AAR2: variants seen among roughly 807,000 people sequenced by gnomAD.
AAR2 encodes protein AAR2 homolog.
AAR2 carries 31 observed loss-of-function variants against 26.9 expected under a neutral mutation model. The ratio of observed to expected loss-of-function variants is 1.15; its 90% CI spans 0.86 to 1.55. AAR2 has a LOEUF of 1.55. Among genes scored for constraint, AAR2 ranks in the 40% most tolerant of loss-of-function variants. AAR2 has a pLI of 0.00. For missense variants in AAR2, 430 were observed against 491.3 expected (o/e 0.88, Z 1.18); for synonymous variants, 188 against 196.1 (o/e 0.96, Z 0.34).
At chr20:36,238,092 C>T (rs375704841) in intron 1 of AAR2, among the ~76,000 whole-genome samples, 4 of 151,926 alleles carry the variant, frequency 2.6e-5, no homozygotes, top group African/African-American at 4.8e-5. Context: ...CCTGTTGATA[C>T]GAATTATTTA....
At position 36,255,607 on chromosome 20, in the gene AAR2, C is replaced by T. The variant is rs773059132; in HGVS notation, c.1017C>T (p.Ala339=). The change falls in exon 4 of 4, where the codon GCC becomes GCT. Residue 339 remains alanine, a synonymous_variant. Coordinates refer to ENST00000320849, the MANE Select transcript of AAR2 (RefSeq NM_001271874.2). ...TCTTTTCCTCTGCCTGCAGCATTGC[C>T]GTGGATGCCACCCTGAGAAAGAAAG... ...QVFFSSACSI[A]VDATLRKKAE... is the part of the protein sequence containing the mutation. 9.3e-6 allele frequency: 15 copies of T among 1,614,180 alleles called. No homozygotes were observed. The highest frequency in any genetic ancestry group is 6.7e-5 in the African/African-American group (5 of 75,050).
At chr20:36,239,739 A>G (rs2064655033) in intron 1 of AAR2, 82 bp from the exon 2 acceptor site, 2 of 1,113,530 alleles carry the variant, frequency 1.8e-6, no homozygotes, top group Non-Finnish European at 2.5e-6. Context: ...GTCTAACTCA[A>G]TATCTGGCAC....
intron 3 of AAR2, among the ~76,000 whole-genome samples, chr20:36,254,868 C>T (rs2064806930): frequency 6.6e-6 from 1 of 152,136 alleles, no homozygotes; most frequent in Non-Finnish European, 1.5e-5. Flanking sequence ...CAAACGTGCT[C>T]AGAACACTAA....
chr20:36,242,080 T>A lies in AAR2; in HGVS notation c.757+1455T>A, dbSNP rs1204403061. Reference sequence around the variant, plus strand: ...AGCTATTTTTATATATATTTATAAATTTTCCAGGTAATTTGCATATTTTCT... The same window carrying A: ...AGCTATTTTTATATATATTTATAAAATTTCCAGGTAATTTGCATATTTTCT... On this transcript the variant is annotated intron_variant, in intron 2 of 3. Coordinates refer to ENST00000320849, the MANE Select transcript of AAR2 (RefSeq NM_001271874.2). 3.3e-5 allele frequency among the ~76,000 whole-genome samples: 5 copies of A among 152,008 alleles called. No individual in the cohort carries two copies. The East Asian group carries it at 7.7e-4, about 23-fold the overall frequency.
At chr20:36,244,549 TCTC>T in intron 2 of AAR2, 145 bp from the exon 3 acceptor site, 1 of 756,728 alleles carries the variant, frequency 1.3e-6, no homozygotes, top group Non-Finnish European at 2.2e-6. Flanking sequence ...AGGTGCAAAA[TCTC>T]CTGCCAGGCT....
rs1228304718 is a variant in AAR2, at chr20:36,240,428, G to C, written c.560G>C (p.Ser187Thr). The change falls in exon 2 of 4, where the codon AGC becomes ACC. Residue 187 changes from serine to threonine, a missense_variant. Physicochemically the swap from Ser to Thr is moderately conservative, Grantham distance 58. Transcript: ENST00000320849. ...CCCCGCTGTGGCATTGAGTGCAAAA[G>C]CTACCAAGAGGGCCTGGCCCGGCTA... Reference protein sequence around the residue: ...NLPRCGIECKSYQEGLARLPE... With the variant: ...NLPRCGIECKTYQEGLARLPE... 6.2e-7 allele frequency: 1 copy of C among 1,614,234 alleles called. No homozygotes were observed. The highest frequency in any genetic ancestry group is 8.5e-7 in the Non-Finnish European group (1 of 1,180,052).
intron 3 of AAR2, 47 bp from the exon 4 acceptor site, chr20:36,255,531 C>A (rs1468458346): frequency 2.5e-6 from 4 of 1,607,108 alleles, no homozygotes; most frequent in Non-Finnish European, 3.4e-6. Flanking sequence ...TTTCTCGCCC[C>A]CTGCCCTCCG....
rs543666856 is a variant in AAR2, at chr20:36,256,678, T to C, written c.*933T>C. ...GTGGAGCTGTCAGTCACCGGAGTAA[T>C]GAGCTCCTGGTTCCTCGGGAGTCCT... On this transcript the variant is annotated 3_prime_UTR_variant, in exon 4 of 4. Transcript: ENST00000320849. The C allele has an allele frequency of 1.4e-4, 22 of 152,450 alleles. No individual in the cohort carries two copies. The highest frequency in any genetic ancestry group is 6.5e-4 in the Admixed American group (10 of 15,310). 9.4% of individuals were successfully genotyped at this position (152,450 alleles called of 1,614,324 possible). A position where few individuals can be genotyped will look rare whatever the true frequency, so the allele number is the denominator to read the frequency against.
chr20:36,241,550 G>C (rs557176630), intron 2 of AAR2, among the ~76,000 whole-genome samples: 33 of 152,254 alleles, frequency 2.2e-4, no homozygotes, highest in African/African-American at 7.5e-4. Context: ...ACTTTGGGAG[G>C]CTGAGGCCGG....
intron 2 of AAR2, among the ~76,000 whole-genome samples, chr20:36,242,551 C>T (rs920474531): frequency 3.2e-4 from 48 of 151,832 alleles, no homozygotes; most frequent in African/African-American, 9.9e-4. Context: ...CCACCACGCC[C>T]GGCTAATTTT....
chr20:36,243,937 GC>G (rs1196365572), intron 2 of AAR2, among the ~76,000 whole-genome samples: 1 of 152,208 alleles, frequency 6.6e-6, no homozygotes, highest in Non-Finnish European at 1.5e-5. Context: ...AAATCACAGA[GC>G]CCTGTGGTTA....
intron 2 of AAR2, among the ~76,000 whole-genome samples, chr20:36,242,364 TTTG>T (rs78763281): frequency 0.24 from 35,076 of 145,040 alleles, 4,129 homozygotes; most frequent in East Asian, 0.3. Context: ...AGGTACATCT[TTTG>T]TTGTTGTTGT....
chr20:36,252,951 C>T (rs967356742), intron 3 of AAR2, among the ~76,000 whole-genome samples: 9 of 147,920 alleles, frequency 6.1e-5, no homozygotes, highest in South Asian at 2.2e-4. Context: ...CCATGGCCCT[C>T]GCCACCAAGA....
At position 36,245,133 on chromosome 20, in the gene AAR2, C is replaced by T. The variant is rs543032210; in HGVS notation, c.987+207C>T. Among the ~76,000 whole-genome samples the T allele has an allele frequency of 7.2e-5, 11 of 152,286 alleles. No homozygotes were observed. The East Asian group carries it at 7.7e-4, about 11-fold the overall frequency. On this transcript the variant is annotated intron_variant, in intron 3 of 3. Coordinates refer to ENST00000320849, the MANE Select transcript of AAR2 (RefSeq NM_001271874.2). ...TTCTCTCTGTACCACCCTCTCCCTA[C>T]ACCTCGTCCCCAGAGTGCCTAACAC...
chr20:36,247,935 A>G (rs959302026), intron 3 of AAR2, among the ~76,000 whole-genome samples: 8 of 152,258 alleles, frequency 5.3e-5, no homozygotes, highest in African/African-American at 1.9e-4. Context: ...TGCCCTCTTA[A>G]CAGATTTTCA....
chr20:36,249,099 T>C (rs1171568791), intron 3 of AAR2, among the ~76,000 whole-genome samples: 8 of 152,194 alleles, frequency 5.3e-5, no homozygotes, highest in Admixed American at 5.2e-4. Flanking sequence ...GGAGAGGGAC[T>C]GGTGTTTGTG....
At chr20:36,255,509 A>C in intron 3 of AAR2, 69 bp from the exon 4 acceptor site, 1 of 1,576,678 alleles carries the variant, frequency 6.3e-7, no homozygotes, top group East Asian at 2.2e-5. Flanking sequence ...ACCATGAGGA[A>C]ATTTCCACAG....
Position 36,244,682 on chromosome 20 carries a change from C to G in AAR2, c.758-15C>G. On this transcript the variant is annotated splice_polypyrimidine_tract_variant and intron_variant, in intron 2 of 3. Coordinates refer to ENST00000320849, the MANE Select transcript of AAR2 (RefSeq NM_001271874.2). The stretch of plus-strand genomic sequence containing the variant: ...CCTCTCCCTCAGAATCACTTCTCCT[C>G]TCTGCACCTTTCAGGTGAACTCCAG... 6.4e-7 allele frequency: 1 copy of G among 1,559,118 alleles called. No homozygotes were observed. Among genetic ancestry groups the G allele is most frequent in the Non-Finnish European group, 8.6e-7 (1 of 1,156,346 alleles).
intron 2 of AAR2, among the ~76,000 whole-genome samples, 159 bp downstream of exon 2, chr20:36,240,784 C>T (rs1440079817): frequency 6.6e-6 from 1 of 152,184 alleles, no homozygotes; most frequent in Non-Finnish European, 1.5e-5. Flanking sequence ...CTGGAGATTT[C>T]GATTTGAGAG....
Sources: gnomAD v4.1 joint callset for allele counts (sites outside exome capture counted in the v4.1 genomes callset) on GRCh38, gnomAD v4.1.1 for gene constraint, MANE v1.5 for transcripts, NCBI Gene and HGNC (gene_info 2026-07-23, HGNC 2026-07-21) for gene names.